Variants in TIGD4 observed in about 807,000 individuals in gnomAD.
TIGD4 encodes the protein tigger transposable element-derived protein 4.
In TIGD4, 20 loss-of-function variants were observed where a neutral mutation model predicts 24.9. The ratio of observed to expected loss-of-function variants is 0.80; its 90% CI spans 0.56 to 1.17. The LOEUF (loss-of-function observed/expected upper bound fraction) is 1.17, where lower values mean the gene tolerates loss of function less well. TIGD4 is among the 50% of genes most tolerant of loss of function. The pLI is 0.00. For missense variants in TIGD4, 566 were observed against 591.0 expected, an observed-to-expected ratio of 0.96 and a Z score of 0.44; for synonymous variants, 193 against 211.0, an observed-to-expected ratio of 0.91 and a Z score of 0.74.
At position 152,770,697 on chromosome 4, in the gene TIGD4, A is replaced by C; in HGVS notation, c.308T>G (p.Val103Gly). ...RWYRIAQCLN[V>G]PVNGPMLRLK... is the part of the protein sequence containing the mutation. The stretch of plus-strand genomic sequence containing the variant: ...ACGTAACATCGGACCATTAACTGGT[A>C]CATTTAGACACTGAGCAATTCGATA... Residue 103 changes from valine to glycine, a missense_variant, in exon 2 of 2, where the codon GTA becomes GGA. Physicochemically the swap from Val to Gly is moderately radical, Grantham distance 109. Transcript: ENST00000304337. 6.2e-7 allele frequency: 1 copy of C among 1,613,182 alleles called. No homozygotes were observed. Among genetic ancestry groups the C allele is most frequent in the East Asian group, 2.2e-5 (1 of 44,882 alleles).
chr4:152,769,785 G>GC lies in TIGD4; in HGVS notation c.1219dup (p.Ala407GlyfsTer7). On this transcript the variant is annotated frameshift_variant, in exon 2 of 2. Coordinates refer to ENST00000304337, the MANE Select transcript of TIGD4 (RefSeq NM_145720.4). LOFTEE classifies it low-confidence loss of function (END_TRUNC). ...TAAACCTTCAGGAAATTCTACTCCT[G>GC]CCCCCAGAGCATCAGCAACCAAATC... is the stretch of plus-strand genomic sequence containing the variant. 6.2e-7 allele frequency: 1 copy of GC among 1,613,334 alleles called. No individual in the cohort carries two copies. Among genetic ancestry groups the GC allele is most frequent in the Non-Finnish European group, 8.5e-7 (1 of 1,179,916 alleles).
Position 152,777,577 on chromosome 4 carries a change from AAAGG to A in TIGD4, c.-539+1901_-539+1904del, listed in dbSNP as rs542438351. ...GGAAGGAAGGAGGGGAGAAAGGAAAAAAGGAAGGAAGGGAGGGAGGGAGGGAAGG... is the reference window on the plus strand; with the variant it reads ...GGAAGGAAGGAGGGGAGAAAGGAAAAAAGGAAGGGAGGGAGGGAGGGAAGG... On this transcript the variant is annotated intron_variant, in intron 1 of 1. Coordinates refer to ENST00000304337, the MANE Select transcript of TIGD4 (RefSeq NM_145720.4). Among the ~76,000 whole-genome samples, 737 of 147,878 alleles carry A rather than the reference AAAGG, an allele frequency of 5.0e-3. 9 individuals carry two copies. Among genetic ancestry groups the A allele is most frequent in the South Asian group, 0.017 (76 of 4,458 alleles).
chr4:152,774,987 C>G (rs972122858), intron 1 of TIGD4, among the ~76,000 whole-genome samples: 4 of 151,074 alleles, frequency 2.6e-5, no homozygotes, highest in African/African-American at 9.8e-5. Context: ...GCAATCTCAG[C>G]TAACTGCAAC....
Position 152,769,858 on chromosome 4 carries a change from G to A in TIGD4, c.1147C>T (p.Gln383Ter), listed in dbSNP as rs1326576441. The A allele has an allele frequency of 1.2e-6, 2 of 1,612,870 alleles. No homozygotes were observed. The highest frequency in any genetic ancestry group is 1.6e-4 in the Middle Eastern group (1 of 6,084). The change falls in exon 2 of 2, where the codon CAA (glutamine) becomes TAA (stop). Residue 383 changes from glutamine to a stop codon, truncating the protein, a stop_gained. Coordinates refer to ENST00000304337, the MANE Select transcript of TIGD4 (RefSeq NM_145720.4). LOFTEE classifies it low-confidence loss of function (END_TRUNC). ...TTTGTTATGTCACTTTCTCCCTTTTGAGATTTGAATCCTGCCTCTTCATAG... is the reference window on the plus strand; with the variant it reads ...TTTGTTATGTCACTTTCTCCCTTTTAAGATTTGAATCCTGCCTCTTCATAG... ...KSYEEAGFKS[Q>*]KGESDITNAE... is the part of the protein sequence containing the mutation.
At chr4:152,778,957 GA>G (rs1422751565) in intron 1 of TIGD4, among the ~76,000 whole-genome samples, 2 of 152,176 alleles carry the variant, frequency 1.3e-5, no homozygotes, top group Non-Finnish European at 2.9e-5. Context: ...GCTGTCAAAG[GA>G]AAAGCAGTCC....
At position 152,769,583 on chromosome 4, in the gene TIGD4, C is replaced by G. The variant is rs748259411; in HGVS notation, c.1422G>C (p.Glu474Asp). 1 of 1,613,376 alleles carries G rather than the reference C, an allele frequency of 6.2e-7. No homozygotes were observed. Among genetic ancestry groups the G allele is most frequent in the South Asian group, 1.1e-5 (1 of 90,934 alleles). Residue 474 changes from glutamate (E) to aspartate (D), a missense_variant, in exon 2 of 2, where the codon GAG becomes GAC. Glu to Asp is a conservative substitution (Grantham distance 45). Transcript: ENST00000304337. ...TCAGAGTATCTAAAGCAGTTATTGC[C>G]TCAGATTTTGATGGTAAAGGGAGTT... ...GTELPLPSKS[E>D]AITALDTLKK...
rs1336928151 is a variant in TIGD4, at chr4:152,769,678, C to G, written c.1327G>C (p.Glu443Gln). 6.2e-7 allele frequency: 1 copy of G among 1,613,360 alleles called. No individual in the cohort carries two copies. Among genetic ancestry groups the G allele is most frequent in the African/African-American group, 1.3e-5 (1 of 75,024 alleles). Reference sequence around the variant, plus strand: ...AATCCAGTTTCATCCGATTTACTTTCTTTGGTGCATATGGAATCACCATTT... The same window carrying G: ...AATCCAGTTTCATCCGATTTACTTTGTTTGGTGCATATGGAATCACCATTT... ...APNGDSICTKESKSDETGFYT... is the reference protein window; with the variant it reads ...APNGDSICTKQSKSDETGFYT... The change falls in exon 2 of 2, where the codon GAA (glutamate) becomes CAA (glutamine). Residue 443 changes from glutamate (E) to glutamine (Q), a missense_variant. Glu to Gln is a conservative substitution (Grantham distance 29). Transcript: ENST00000304337.
chr4:152,774,734 T>A (rs542586255), intron 1 of TIGD4, among the ~76,000 whole-genome samples: 4 of 152,086 alleles, frequency 2.6e-5, no homozygotes, highest in South Asian at 2.1e-4. Context: ...AATCTTCTTT[T>A]AAAAAAAACA....
At chr4:152,775,583 G>C (rs1016544748) in intron 1 of TIGD4, among the ~76,000 whole-genome samples, 12 of 152,200 alleles carry the variant, frequency 7.9e-5, no homozygotes, top group Non-Finnish European at 1.5e-4. Flanking sequence ...TCAGCTTCTA[G>C]AGGCTTCCCT....
At chr4:152,776,843 G>A (rs751568253) in intron 1 of TIGD4, among the ~76,000 whole-genome samples, 3 of 152,134 alleles carry the variant, frequency 2.0e-5, no homozygotes, top group Non-Finnish European at 4.4e-5. Flanking sequence ...ACTGAAATGG[G>A]GGCTCAAATC....
chr4:152,774,251 T>C (rs1267151130), intron 1 of TIGD4, among the ~76,000 whole-genome samples: 1 of 152,236 alleles, frequency 6.6e-6, no homozygotes, highest in Non-Finnish European at 1.5e-5. Context: ...AAATTGAAAA[T>C]GTGATAACTT....
intron 1 of TIGD4, among the ~76,000 whole-genome samples, chr4:152,778,994 T>C (rs1187296698): frequency 6.6e-6 from 1 of 152,214 alleles, no homozygotes; most frequent in Non-Finnish European, 1.5e-5. Flanking sequence ...TATTCTGTGA[T>C]GGACCAACTG....
At chr4:152,775,251 A>T (rs1287499004) in intron 1 of TIGD4, among the ~76,000 whole-genome samples, 4 of 152,220 alleles carry the variant, frequency 2.6e-5, no homozygotes, top group African/African-American at 9.6e-5. Context: ...ATAATTATAG[A>T]TGTAAAAATA....
intron 1 of TIGD4, among the ~76,000 whole-genome samples, chr4:152,778,322 G>T (rs1019004315): frequency 6.6e-6 from 1 of 152,120 alleles, no homozygotes; most frequent in African/African-American, 2.4e-5. Flanking sequence ...GAGTCCTACC[G>T]TACACTTCCT....
Position 152,771,024 on chromosome 4 carries a change from G to A in TIGD4, c.-20C>T. 1 of 1,564,422 alleles carries A rather than the reference G, an allele frequency of 6.4e-7. No homozygotes were observed. Among genetic ancestry groups the A allele is most frequent in the Non-Finnish European group, 8.6e-7 (1 of 1,163,102 alleles). ...TGCCATCTCAGCCAGTGCTTATGTA[G>A]AGATTACTCTTCTTAACTTCCTGGT... On this transcript the variant is annotated 5_prime_UTR_variant, in exon 2 of 2. Transcript: ENST00000304337.
chr4:152,777,742 G>T (rs950845739), intron 1 of TIGD4, among the ~76,000 whole-genome samples: 3 of 152,164 alleles, frequency 2.0e-5, no homozygotes, highest in Admixed American at 2.0e-4. Context: ...TCTAAGCAGG[G>T]CCAGGCTTAA....
chr4:152,770,967 A>G lies in TIGD4; in HGVS notation c.38T>C (p.Val13Ala). The change falls in exon 2 of 2, where the codon GTA (valine) becomes GCA (alanine). Residue 13 changes from valine to alanine, a missense_variant. Physicochemically the swap from Val to Ala is moderately conservative, Grantham distance 64 (BLOSUM62 0). Coordinates refer to ENST00000304337, the MANE Select transcript of TIGD4 (RefSeq NM_145720.4). The part of the protein sequence containing the change: ...EASVDASTLP[V>A]TVKKKKSLSI... ...TAGGCTTTTCTTTTTCTTCACTGTT[A>G]CAGGCAGAGTTGAGGCATCCACAGA... is the stretch of plus-strand genomic sequence containing the variant. The G allele has an allele frequency of 6.2e-7, 1 of 1,611,884 alleles. No individual in the cohort carries two copies. Among genetic ancestry groups the G allele is most frequent in the Non-Finnish European group, 8.5e-7 (1 of 1,179,546 alleles).
intron 1 of TIGD4, among the ~76,000 whole-genome samples, chr4:152,776,303 C>T (rs1730258732): frequency 6.6e-6 from 1 of 152,076 alleles, no homozygotes; most frequent in Non-Finnish European, 1.5e-5. Flanking sequence ...AATGTTCTCT[C>T]TAGGTAAATG....
rs1001995404 is a variant in TIGD4, at chr4:152,769,644, G to C, written c.1361C>G (p.Ser454Cys). The change falls in exon 2 of 2, where the codon TCT (serine) becomes TGT (cysteine). Residue 454 changes from serine (S) to cysteine (C), a missense_variant. Transcript: ENST00000304337. ...AGATCCATCATCATCCTCTTCATCA[G>C]AAGTGTAAAATCCAGTTTCATCCGA... ...SKSDETGFYT[S>C]DEEDDDGSPG... The C allele has an allele frequency of 2.2e-5, 35 of 1,613,292 alleles. No homozygotes were observed. Among genetic ancestry groups the C allele is most frequent in the Non-Finnish European group, 2.9e-5 (34 of 1,179,712 alleles).
Sources: allele counts gnomAD v4.1 joint callset (sites outside exome capture counted in the v4.1 genomes callset), GRCh38; gene constraint gnomAD v4.1.1; transcripts MANE v1.5; gene names NCBI Gene and HGNC (gene_info 2026-07-23, HGNC 2026-07-21).